The following NTM variants were observed in gnomAD, a reference collection of about 807,000 sequenced individuals.
NTM encodes the protein neurotrimin.
NTM carries 13 observed loss-of-function variants against 42.1 expected under a neutral mutation model. That is an observed-to-expected ratio of 0.31 (90% CI 0.20 to 0.49). NTM has a LOEUF of 0.49. Among genes scored for constraint, NTM ranks in the 20% least tolerant of loss-of-function variants. The probability of loss-of-function intolerance (pLI) is 0.99; values close to 1 mark genes in which losing one functional copy is unlikely to be tolerated. For synonymous variants in NTM, 187 were observed against 179.2 expected, an observed-to-expected ratio of 1.04 and a Z score of -0.35; for missense variants, 373 against 452.8, an observed-to-expected ratio of 0.82 and a Z score of 1.60.
chr11:132,277,441 G>A (rs148891594), intron 4 of NTM, among the ~76,000 whole-genome samples: 2 of 152,058 alleles, frequency 1.3e-5, no homozygotes, highest in African/African-American at 2.4e-5. Context: ...ATGAAAGGTG[G>A]CATTGCAATG....
intron 4 of NTM, among the ~76,000 whole-genome samples, chr11:132,273,906 TCAAAA>T (rs1261643932): frequency 6.6e-6 from 1 of 152,056 alleles, no homozygotes; most frequent in Non-Finnish European, 1.5e-5. Flanking sequence ...AAACTCCATC[TCAAAA>T]CAAAACAAAA....
intron 1 of NTM, among the ~76,000 whole-genome samples, chr11:131,389,024 A>AAAAAGAAAAGAAAAG (rs58205309): frequency 0.013 from 1,159 of 89,846 alleles, 18 homozygotes; most frequent in African/African-American, 0.031. Context: ...AAAAAAAAAA[A>AAAAAGAAAAGAAAAG]AAAAGAAAAG....
At chr11:131,788,366 A>T (rs2136076208) in intron 1 of NTM, among the ~76,000 whole-genome samples, 1 of 152,178 alleles carries the variant, frequency 6.6e-6, no homozygotes, top group African/African-American at 2.4e-5. Flanking sequence ...TTGCCTATAT[A>T]TTATATAGTA....
intron 8 of NTM, among the ~76,000 whole-genome samples, chr11:132,333,938 C>T (rs975068674): frequency 6.6e-6 from 1 of 152,248 alleles, no homozygotes; most frequent in Non-Finnish European, 1.5e-5. Flanking sequence ...ATGTATCCAA[C>T]GCTGAGCATC....
intron 3 of NTM, among the ~76,000 whole-genome samples, chr11:132,203,343 T>G (rs2081430954): frequency 6.6e-6 from 1 of 152,210 alleles, no homozygotes; most frequent in African/African-American, 2.4e-5. Context: ...AAAAGTGATT[T>G]CTTAACATTT....
At chr11:131,671,319 C>A in intron 1 of NTM, 1 of 584,154 alleles carries the variant, frequency 1.7e-6, no homozygotes, top group Non-Finnish European at 2.2e-6. Context: ...GGCGTCTATA[C>A]TCATCCTCCC....
chr11:131,596,693 T>C (rs974784850), intron 1 of NTM, among the ~76,000 whole-genome samples: 9 of 152,256 alleles, frequency 5.9e-5, no homozygotes, highest in African/African-American at 1.9e-4. Flanking sequence ...CCCGTGTCCC[T>C]GTCTGGAGCC....
intron 4 of NTM, among the ~76,000 whole-genome samples, chr11:132,291,526 A>G (rs1014320662): frequency 6.6e-6 from 1 of 152,164 alleles, no homozygotes; most frequent in Admixed American, 6.5e-5. Context: ...GGTTCATGGA[A>G]GAGAAATAGG....
intron 4 of NTM, among the ~76,000 whole-genome samples, chr11:132,279,032 A>C (rs1319246962): frequency 6.6e-6 from 1 of 152,174 alleles, no homozygotes; most frequent in Non-Finnish European, 1.5e-5. Context: ...GATCATCCAA[A>C]TGGAATGCAA....
At chr11:131,496,753 C>T (rs1359671606) in intron 1 of NTM, among the ~76,000 whole-genome samples, 1 of 152,184 alleles carries the variant, frequency 6.6e-6, no homozygotes, top group African/African-American at 2.4e-5. Flanking sequence ...TGTGTGGCTG[C>T]CAGGCATGCT....
At chr11:131,877,441 AAG>A (rs1194604412) in intron 1 of NTM, among the ~76,000 whole-genome samples, 1 of 152,188 alleles carries the variant, frequency 6.6e-6, no homozygotes. Context: ...AATTCTTAGG[AAG>A]AGTCTCACAT....
chr11:132,134,755 A>ATATATATATC (rs2067538628), intron 2 of NTM, among the ~76,000 whole-genome samples: 7 of 80,242 alleles, frequency 8.7e-5, no homozygotes, highest in South Asian at 8.9e-4. Flanking sequence ...ATATATATAT[A>ATATATATATC]TATATCTCAC....
intron 1 of NTM, among the ~76,000 whole-genome samples, chr11:131,792,485 C>T (rs1330517992): frequency 6.6e-6 from 1 of 152,090 alleles, no homozygotes; most frequent in Non-Finnish European, 1.5e-5. Context: ...AATCAAATTC[C>T]CACTCTACAC....
chr11:132,224,897 G>A (rs1384030932), intron 4 of NTM, among the ~76,000 whole-genome samples: 2 of 152,202 alleles, frequency 1.3e-5, no homozygotes, highest in Non-Finnish European at 2.9e-5. Flanking sequence ...TGCCTATTCG[G>A]GAGAACTAGG....
At chr11:132,125,671 TGTAGTGC>T (rs1351402863) in intron 2 of NTM, among the ~76,000 whole-genome samples, 10 of 158 alleles carry the variant, frequency 0.063, no homozygotes, top group African/African-American at 0.17. Context: ...GTGTGTCATG[TGTAGTGC>T]GTAGTGGGGT....
At position 132,014,715 on chromosome 11, in the gene NTM, C is replaced by T. The variant is rs550946382; in HGVS notation, c.167+103067C>T. On this transcript the variant is annotated intron_variant, in intron 2 of 8. Coordinates refer to ENST00000683400, the MANE Select transcript of NTM (RefSeq NM_001352005.2). ...GAAATGTCTATTCAGATCATTTACC[C>T]GCTTTTTAAGAGAATTACTTGTTTT... Among the ~76,000 whole-genome samples, 13 of 142,224 alleles carry T rather than the reference C, an allele frequency of 9.1e-5. No homozygotes were observed. The South Asian group carries it at 2.4e-3, about 27-fold the overall frequency. The allele number at this position is 142,224 out of a possible 152,430, so 93.3% of individuals were successfully genotyped here.
At chr11:131,454,080 A>G (rs527703446) in intron 1 of NTM, among the ~76,000 whole-genome samples, 13 of 152,314 alleles carry the variant, frequency 8.5e-5, no homozygotes, top group Admixed American at 2.6e-4. Context: ...GGATTACAGC[A>G]TCTCCCCTTA....
chr11:131,947,991 G>A (rs1251165166), intron 2 of NTM, among the ~76,000 whole-genome samples: 3 of 152,076 alleles, frequency 2.0e-5, no homozygotes, highest in East Asian at 3.9e-4. Context: ...TTATCAAATG[G>A]TAAGATGGTC....
chr11:131,769,245 C>T (rs2085639619), intron 1 of NTM, among the ~76,000 whole-genome samples: 1 of 152,116 alleles, frequency 6.6e-6, no homozygotes, highest in African/African-American at 2.4e-5. Context: ...ACTTTGTTTT[C>T]CTCCATTCTT....
Sources: allele counts gnomAD v4.1 joint callset (sites outside exome capture counted in the v4.1 genomes callset), GRCh38; gene constraint gnomAD v4.1.1; transcripts MANE v1.5; gene names NCBI Gene and HGNC (gene_info 2026-07-23, HGNC 2026-07-21).